TTC28: variants seen among roughly 807,000 people sequenced by gnomAD.
The protein encoded by TTC28 is tetratricopeptide repeat domain 28.
A neutral mutation model predicts 198.0 loss-of-function variants in TTC28; 61 were observed. The ratio of observed to expected loss-of-function variants is 0.31; its 90% CI spans 0.25 to 0.38. The LOEUF is 0.38. TTC28 is among the 10% of genes least tolerant of loss of function. The probability of loss-of-function intolerance (pLI) is 1.00; values close to 1 mark genes in which losing one functional copy is unlikely to be tolerated. For missense variants in TTC28, 2,678 were observed against 3,164.0 expected, an observed-to-expected ratio of 0.85 and a Z score of 3.69; for synonymous variants, 1,171 against 1,297.8, an observed-to-expected ratio of 0.90 and a Z score of 2.10.
chr22:28,554,246 C>A (rs1306155342), intron 2 of TTC28, among the ~76,000 whole-genome samples: 1 of 151,888 alleles, frequency 6.6e-6, no homozygotes, highest in East Asian at 1.9e-4. Flanking sequence ...CGGAAGGCCG[C>A]AGGGTCCTCT....
At chr22:28,408,159 G>GA (rs201868066) in intron 2 of TTC28, among the ~76,000 whole-genome samples, 36 of 148,108 alleles carry the variant, frequency 2.4e-4, no homozygotes, top group East Asian at 9.9e-4. Flanking sequence ...GCACAGGACT[G>GA]AAAAAAAAAC....
At chr22:28,585,614 C>A (rs908027287) in intron 2 of TTC28, among the ~76,000 whole-genome samples, 1 of 151,992 alleles carries the variant, frequency 6.6e-6, no homozygotes, top group Non-Finnish European at 1.5e-5. Context: ...GGTTGGGGAC[C>A]CCTGCTTTAC....
chr22:28,124,816 C>T (rs568550099), intron 6 of TTC28, among the ~76,000 whole-genome samples: 1 of 152,258 alleles, frequency 6.6e-6, no homozygotes, highest in African/African-American at 2.4e-5. Context: ...ACTTCATGCT[C>T]CTAGAACTTG....
intron 12 of TTC28, among the ~76,000 whole-genome samples, chr22:28,072,858 A>C (rs1223576793): frequency 6.6e-6 from 1 of 152,204 alleles, no homozygotes; most frequent in Non-Finnish European, 1.5e-5. Context: ...CTCATAGCCA[A>C]CTTCATCTCC....
chr22:27,998,419 C>T, intron 16 of TTC28, 121 bp downstream of exon 16: 1 of 1,422,110 alleles, frequency 7.0e-7, no homozygotes, highest in Non-Finnish European at 9.2e-7. Context: ...CTCCCTGAGT[C>T]TTCTGTGGCT....
At chr22:28,452,321 C>G (rs982534131) in intron 2 of TTC28, among the ~76,000 whole-genome samples, 3 of 128,362 alleles carry the variant, frequency 2.3e-5, no homozygotes, top group African/African-American at 9.1e-5. Context: ...ACCCAGGAGG[C>G]AGAGGTTTCA....
At chr22:28,492,978 G>A (rs1296662269) in intron 2 of TTC28, among the ~76,000 whole-genome samples, 1 of 147,804 alleles carries the variant, frequency 6.8e-6, no homozygotes, top group Non-Finnish European at 1.5e-5. Flanking sequence ...TAATGGCCCA[G>A]AGATTGAGCA....
rs528671320 is a variant in TTC28 at position 28,375,774 on chromosome 22, C to T, written c.382-69131G>A. On this transcript the variant is annotated intron_variant, in intron 2 of 22. Transcript: ENST00000397906. ...AGATCTGCCCTCAATGTGGGTGAAC[C>T]ATACAAATGGCTGCAGAACTGGAGA... is the stretch of plus-strand genomic sequence containing the variant. Among the ~76,000 whole-genome samples the T allele has an allele frequency of 2.6e-5, 4 of 152,132 alleles. No homozygotes were observed. In the South Asian group the frequency reaches 8.3e-4, roughly 32 times the overall value.
chr22:28,596,485 G>A (rs1777634227), intron 2 of TTC28, among the ~76,000 whole-genome samples: 1 of 152,048 alleles, frequency 6.6e-6, no homozygotes, highest in Admixed American at 6.6e-5. Context: ...CCTAGTAGAT[G>A]GCACTAAAAG....
chr22:28,451,774 T>C (rs1331100269), intron 2 of TTC28, among the ~76,000 whole-genome samples: 1 of 152,208 alleles, frequency 6.6e-6, no homozygotes, highest in East Asian at 1.9e-4. Flanking sequence ...ATCAGGTTAA[T>C]GGATTGTAAT....
intron 2 of TTC28, among the ~76,000 whole-genome samples, chr22:28,624,444 A>C (rs1183696526): frequency 6.6e-6 from 1 of 152,196 alleles, no homozygotes; most frequent in Non-Finnish European, 1.5e-5. Context: ...AAAAAGGATA[A>C]TAAAGGAATA....
At chr22:28,377,408 A>G (rs2146012620) in intron 2 of TTC28, among the ~76,000 whole-genome samples, 1 of 151,426 alleles carries the variant, frequency 6.6e-6, no homozygotes, top group African/African-American at 2.4e-5. Flanking sequence ...AACTTTCTTT[A>G]CAATATTTAT....
At chr22:28,413,642 T>C (rs1022484774) in intron 2 of TTC28, among the ~76,000 whole-genome samples, 1 of 152,176 alleles carries the variant, frequency 6.6e-6, no homozygotes, top group Non-Finnish European at 1.5e-5. Context: ...TTTAAATTTA[T>C]AATGCAGGAG....
At chr22:28,221,672 G>T (rs1037960362) in intron 5 of TTC28, among the ~76,000 whole-genome samples, 1 of 152,120 alleles carries the variant, frequency 6.6e-6, no homozygotes, top group African/African-American at 2.4e-5. Context: ...GCACGGACTT[G>T]CATGCTTCTG....
At chr22:28,088,190 A>T (rs1941685302) in intron 12 of TTC28, among the ~76,000 whole-genome samples, 1 of 152,166 alleles carries the variant, frequency 6.6e-6, no homozygotes, top group African/African-American at 2.4e-5. Flanking sequence ...ACCAAAAAAG[A>T]GCCCGCATTG....
intron 11 of TTC28, 133 bp from the exon 12 acceptor site, chr22:28,094,378 A>G: frequency 9.6e-7 from 1 of 1,039,798 alleles, no homozygotes; most frequent in Non-Finnish European, 1.3e-6. Flanking sequence ...ACCCTGTCAA[A>G]AAATCCTGAA....
At chr22:28,399,250 C>T (rs943914008) in intron 2 of TTC28, among the ~76,000 whole-genome samples, 9 of 151,698 alleles carry the variant, frequency 5.9e-5, no homozygotes, top group African/African-American at 2.2e-4. Context: ...TGCCTGTATA[C>T]TCCAGCTACC....
intron 2 of TTC28, among the ~76,000 whole-genome samples, chr22:28,528,449 G>A (rs1490342781): frequency 6.6e-6 from 1 of 151,968 alleles, no homozygotes; most frequent in Admixed American, 6.6e-5. Context: ...CCCAGTGTAG[G>A]CCAGGCACAG....
Position 28,296,341 on chromosome 22 carries a change from G to GA in TTC28, c.803-14dup. On this transcript the variant is annotated splice_polypyrimidine_tract_variant and intron_variant, in intron 4 of 22. Coordinates refer to ENST00000397906, the MANE Select transcript of TTC28 (RefSeq NM_001145418.2). ...CCTGTCTGGTCACCTGGATTGAATTGAGAAAAAAAAAAAGAAAAAATTTCT... is the reference window on the plus strand; with the variant it reads ...CCTGTCTGGTCACCTGGATTGAATTGAAGAAAAAAAAAAAGAAAAAATTTCT... The GA allele has an allele frequency of 8.9e-6, 13 of 1,458,914 alleles. No individual in the cohort carries two copies. Among genetic ancestry groups the GA allele is most frequent in the South Asian group, 3.0e-5 (2 of 67,788 alleles). 90.4% of individuals were successfully genotyped at this position (1,458,914 alleles called of 1,614,324 possible).
Sources: allele counts gnomAD v4.1 joint callset (sites outside exome capture counted in the v4.1 genomes callset), GRCh38; gene constraint gnomAD v4.1.1; transcripts MANE v1.5; gene names NCBI Gene and HGNC (gene_info 2026-07-23, HGNC 2026-07-21).